Variants in PTPRD observed in about 807,000 individuals in gnomAD.
The protein encoded by PTPRD is protein tyrosine phosphatase receptor type D, also known as receptor-type tyrosine-protein phosphatase delta.
Under a neutral mutation model 214.5 loss-of-function variants are expected in PTPRD, and 34 were observed. The observed-to-expected ratio is 0.16, with a 90% CI of 0.12 to 0.21. PTPRD has a LOEUF of 0.21. Ranked by LOEUF, PTPRD falls within the 10% of genes least tolerant of loss-of-function variation. PTPRD has a pLI of 1.00. For missense variants in PTPRD, 2,545 were observed against 2,398.7 expected (o/e 1.06, Z -1.27); for synonymous variants, 1,128 against 845.7 (o/e 1.33, Z -5.79).
chr9:10,182,392 G>A (rs905797609), intron 3 of PTPRD, among the ~76,000 whole-genome samples: 10 of 151,920 alleles, frequency 6.6e-5, no homozygotes, highest in African/African-American at 2.4e-4. Flanking sequence ...AATATACTTG[G>A]AATGTCTAAA....
chr9:10,576,246 T>C (rs1244972008), intron 2 of PTPRD, among the ~76,000 whole-genome samples: 5 of 152,128 alleles, frequency 3.3e-5, no homozygotes, highest in South Asian at 4.1e-4. Flanking sequence ...TGATATCTTA[T>C]AAGAATTTTC....
chr9:8,436,701 AGC>A lies in PTPRD; in HGVS notation c.3989-14_3989-13del. ...ATGGCTAGCCATACCTATTGAAAAA[AGC>A]AAAGAAGAAACACATTTGAAAACAA... On this transcript the variant is annotated splice_polypyrimidine_tract_variant and intron_variant, in intron 34 of 45. Transcript: ENST00000381196. 6.3e-7 allele frequency: 1 copy of A among 1,591,772 alleles called. No individual in the cohort carries two copies. Among genetic ancestry groups the A allele is most frequent in the South Asian group, 1.1e-5 (1 of 90,356 alleles).
intron 9 of PTPRD, among the ~76,000 whole-genome samples, chr9:9,327,070 C>G (rs1048857372): frequency 6.6e-6 from 1 of 152,174 alleles, no homozygotes; most frequent in Admixed American, 6.6e-5. Context: ...TTAAAACATG[C>G]AGCTGTTCTG....
At chr9:9,289,234 G>A (rs190612200) in intron 9 of PTPRD, among the ~76,000 whole-genome samples, 2 of 151,726 alleles carry the variant, frequency 1.3e-5, no homozygotes, top group Non-Finnish European at 2.9e-5. Flanking sequence ...ATAAAAAATT[G>A]TCATACAAAC....
At chr9:9,266,760 T>C (rs1475863475) in intron 9 of PTPRD, among the ~76,000 whole-genome samples, 3 of 150,124 alleles carry the variant, frequency 2.0e-5, no homozygotes, top group Non-Finnish European at 4.5e-5. Context: ...TTGAGACAAA[T>C]GAAAATGAAA....
At chr9:10,556,542 G>A (rs1363934511) in intron 2 of PTPRD, among the ~76,000 whole-genome samples, 1 of 152,008 alleles carries the variant, frequency 6.6e-6, no homozygotes, top group Non-Finnish European at 1.5e-5. Context: ...TTAAAGAAAG[G>A]CCCTCAAAAG....
chr9:9,014,462 G>C (rs1401032715), intron 11 of PTPRD, among the ~76,000 whole-genome samples: 1 of 152,100 alleles, frequency 6.6e-6, no homozygotes, highest in Non-Finnish European at 1.5e-5. Flanking sequence ...TTTTATAAAA[G>C]TGTTAATATG....
At chr9:8,861,790 G>A (rs967780191) in intron 11 of PTPRD, 2 of 152,200 alleles carry the variant, frequency 1.3e-5, no homozygotes, top group Non-Finnish European at 2.9e-5. Context: ...ACACAGCATA[G>A]ATTCAAGTGA....
At chr9:10,278,952 T>G (rs1052906567) in intron 3 of PTPRD, among the ~76,000 whole-genome samples, 2 of 152,052 alleles carry the variant, frequency 1.3e-5, no homozygotes, top group African/African-American at 2.4e-5. Context: ...TTTTTTGTAT[T>G]TTTAGTAGAG....
chr9:8,971,764 T>G (rs1420364154), intron 11 of PTPRD, among the ~76,000 whole-genome samples: 3 of 151,410 alleles, frequency 2.0e-5, no homozygotes, highest in Non-Finnish European at 4.4e-5. Flanking sequence ...TATATATATA[T>G]TACTTTATTT....
intron 4 of PTPRD, among the ~76,000 whole-genome samples, chr9:10,013,730 T>C (rs1714527510): frequency 6.6e-6 from 1 of 152,014 alleles, no homozygotes; most frequent in South Asian, 2.1e-4. Context: ...AACTTCAGAA[T>C]TGTTTTTCAA....
intron 4 of PTPRD, among the ~76,000 whole-genome samples, chr9:10,019,785 G>C (rs182655178): frequency 1.1e-4 from 16 of 149,952 alleles, no homozygotes; most frequent in South Asian, 4.4e-4. Flanking sequence ...TGTGGGGTGG[G>C]GGGGAGCTGG....
intron 8 of PTPRD, among the ~76,000 whole-genome samples, chr9:9,417,977 T>G (rs1365531473): frequency 1.3e-5 from 2 of 152,074 alleles, no homozygotes; most frequent in African/African-American, 2.4e-5. Context: ...CTGATTTTGG[T>G]TTCACCTGAA....
intron 5 of PTPRD, among the ~76,000 whole-genome samples, chr9:9,909,472 A>G (rs2078565152): frequency 6.6e-6 from 1 of 151,776 alleles, no homozygotes. Flanking sequence ...GAAAAAAAGC[A>G]GTGTAGTATT....
At chr9:9,661,057 A>C (rs758873437) in intron 7 of PTPRD, among the ~76,000 whole-genome samples, 3 of 152,012 alleles carry the variant, frequency 2.0e-5, no homozygotes, top group Non-Finnish European at 4.4e-5. Context: ...ACTTTCCATA[A>C]AGAAATGAAA....
At chr9:8,546,823 C>G (rs987537458) in intron 14 of PTPRD, among the ~76,000 whole-genome samples, 3 of 152,112 alleles carry the variant, frequency 2.0e-5, no homozygotes, top group Admixed American at 2.0e-4. Context: ...TTCTAAAGAA[C>G]TGATTTGTTA....
intron 11 of PTPRD, among the ~76,000 whole-genome samples, chr9:8,881,480 G>C (rs917084669): frequency 1.2e-4 from 18 of 152,158 alleles, no homozygotes; most frequent in African/African-American, 4.3e-4. Flanking sequence ...TAATTACAAT[G>C]TAGTATACAG....
chr9:8,621,825 G>C lies in PTPRD; in HGVS notation c.352+11492C>G, dbSNP rs147117666. Reference sequence around the variant, plus strand: ...CATAAAAATTTGAGTGTAAATAAAAGGCTCTTTAGGATACAGGGCTCTAAT... The same window carrying C: ...CATAAAAATTTGAGTGTAAATAAAACGCTCTTTAGGATACAGGGCTCTAAT... On this transcript the variant is annotated intron_variant, in intron 14 of 45. Transcript: ENST00000381196. 6.0e-3 allele frequency among the ~76,000 whole-genome samples: 908 copies of C among 151,876 alleles called. 13 individuals carry two copies. Among genetic ancestry groups the C allele is most frequent in the African/African-American group, 0.021 (885 of 41,446 alleles).
chr9:9,029,077 T>A (rs1309108640), intron 10 of PTPRD, among the ~76,000 whole-genome samples: 2 of 151,860 alleles, frequency 1.3e-5, no homozygotes, highest in Non-Finnish European at 1.5e-5. Flanking sequence ...ATATGAAATA[T>A]CTCATTCATA....
Sources: gnomAD v4.1 joint callset for allele counts (sites outside exome capture counted in the v4.1 genomes callset) on GRCh38, gnomAD v4.1.1 for gene constraint, MANE v1.5 for transcripts, NCBI Gene and HGNC (gene_info 2026-07-23, HGNC 2026-07-21) for gene names.